PTPRT: variants seen among roughly 807,000 people sequenced by gnomAD.
The protein encoded by PTPRT is receptor-type tyrosine-protein phosphatase T.
Under a neutral mutation model 176.8 loss-of-function variants are expected in PTPRT, and 56 were observed. The observed-to-expected ratio is 0.32, with a 90% CI of 0.26 to 0.40. The LOEUF (loss-of-function observed/expected upper bound fraction) is 0.40, where lower values mean the gene tolerates loss of function less well. PTPRT is among the 10% of genes least tolerant of loss of function. PTPRT has a pLI of 1.00. For missense variants in PTPRT, 1,540 were observed against 1,908.2 expected (o/e 0.81, Z 3.60); for synonymous variants, 783 against 739.0 (o/e 1.06, Z -0.96).
chr20:42,496,809 T>C (rs1158933795), intron 7 of PTPRT, among the ~76,000 whole-genome samples: 3 of 152,140 alleles, frequency 2.0e-5, no homozygotes, highest in Non-Finnish European at 4.4e-5. Flanking sequence ...GATGACATCT[T>C]CAATGGTGTA....
intron 1 of PTPRT, among the ~76,000 whole-genome samples, chr20:43,117,799 T>C (rs2013114094): frequency 6.6e-6 from 1 of 152,104 alleles, no homozygotes; most frequent in African/African-American, 2.4e-5. Context: ...ACACACAACA[T>C]AGATAGGAAG....
At chr20:43,044,707 A>G (rs1986764049) in intron 1 of PTPRT, among the ~76,000 whole-genome samples, 1 of 152,190 alleles carries the variant, frequency 6.6e-6, no homozygotes, top group African/African-American at 2.4e-5. Flanking sequence ...AAATGCACCA[A>G]GGTGTGTAAG....
chr20:42,488,016 G>A (rs182128294), intron 7 of PTPRT, among the ~76,000 whole-genome samples: 2 of 152,200 alleles, frequency 1.3e-5, no homozygotes, highest in Admixed American at 1.3e-4. Flanking sequence ...GTTCTAGCTC[G>A]TTTACCTTTT....
chr20:42,556,685 G>A (rs1418278868), intron 7 of PTPRT, among the ~76,000 whole-genome samples: 1 of 152,162 alleles, frequency 6.6e-6, no homozygotes, highest in Non-Finnish European at 1.5e-5. Flanking sequence ...CAGAACCTGT[G>A]CATGGTATGA....
chr20:43,075,383 G>A (rs761819480), intron 1 of PTPRT, among the ~76,000 whole-genome samples: 20 of 152,244 alleles, frequency 1.3e-4, no homozygotes, highest in Non-Finnish European at 2.5e-4. Flanking sequence ...TCCGCAGAGC[G>A]CTGGAATGAG....
chr20:42,184,018 G>T (rs1990627268), intron 16 of PTPRT, among the ~76,000 whole-genome samples: 1 of 152,160 alleles, frequency 6.6e-6, no homozygotes, highest in African/African-American at 2.4e-5. Flanking sequence ...CATAGGGGTT[G>T]AATATGCAAA....
intron 9 of PTPRT, among the ~76,000 whole-genome samples, chr20:42,409,649 T>C (rs181077703): frequency 6.6e-6 from 1 of 152,226 alleles, no homozygotes; most frequent in African/African-American, 2.4e-5. Flanking sequence ...GTTTCTGATG[T>C]AGTTTTAGAA....
chr20:42,874,301 C>T (rs906197478), intron 2 of PTPRT, among the ~76,000 whole-genome samples: 9 of 152,080 alleles, frequency 5.9e-5, no homozygotes, highest in East Asian at 5.8e-4. Context: ...GAATTTACTC[C>T]GAACAACATG....
At chr20:42,618,388 G>A (rs1202279846) in intron 7 of PTPRT, among the ~76,000 whole-genome samples, 1 of 136,118 alleles carries the variant, frequency 7.3e-6, no homozygotes, top group Non-Finnish European at 1.5e-5. Context: ...GAATAGGTGT[G>A]TTGTGGTGCT....
intron 1 of PTPRT, among the ~76,000 whole-genome samples, chr20:43,139,586 C>T (rs943071674): frequency 6.6e-6 from 1 of 152,182 alleles, no homozygotes; most frequent in Admixed American, 6.5e-5. Flanking sequence ...GCCCGTCCCT[C>T]GACAGCAACA....
In PTPRT at chr20:42,523,556, A is replaced by T. The variant is rs372255576; in HGVS notation, c.1154-50994T>A. On this transcript the variant is annotated intron_variant, in intron 7 of 30. Transcript: ENST00000373187. The stretch of plus-strand genomic sequence containing the variant: ...TTGTTTGTGTGAGGGAATTTGGAAA[A>T]TTTAAAAACTAAGTCACCAGTGTCA... Among the ~76,000 whole-genome samples the T allele has an allele frequency of 2.5e-3, 386 of 152,204 alleles. 4 individuals carry two copies. Among genetic ancestry groups the T allele is most frequent in the African/African-American group, 9.0e-3 (375 of 41,524 alleles).
intron 7 of PTPRT, among the ~76,000 whole-genome samples, chr20:42,482,474 T>C (rs1352671605): frequency 6.6e-6 from 1 of 152,218 alleles, no homozygotes; most frequent in Non-Finnish European, 1.5e-5. Context: ...ATTTGTTTTG[T>C]ATTTTGAGTT....
chr20:42,479,792 G>A (rs537678923), intron 7 of PTPRT, among the ~76,000 whole-genome samples: 1 of 152,318 alleles, frequency 6.6e-6, no homozygotes, highest in South Asian at 2.1e-4. Flanking sequence ...CGACTGGTAA[G>A]TATAACACAA....
chr20:43,049,964 C>G (rs776212671), intron 1 of PTPRT, among the ~76,000 whole-genome samples: 5 of 152,194 alleles, frequency 3.3e-5, no homozygotes, highest in Non-Finnish European at 5.9e-5. Flanking sequence ...GGGGTACTAT[C>G]AACTTTATGT....
At chr20:42,472,622 C>G (rs2071219212) in intron 7 of PTPRT, 60 bp from the exon 8 acceptor site, 1 of 1,540,448 alleles carries the variant, frequency 6.5e-7, no homozygotes. Flanking sequence ...AGCTGGGGTA[C>G]ATGTTCTGCT....
intron 17 of PTPRT, among the ~76,000 whole-genome samples, chr20:42,149,118 C>G (rs1290940974): frequency 6.6e-6 from 1 of 152,200 alleles, no homozygotes; most frequent in Non-Finnish European, 1.5e-5. Context: ...AGGTGTGTCC[C>G]TGCTGATCTC....
At chr20:42,179,398 A>G (rs1431937145) in intron 16 of PTPRT, among the ~76,000 whole-genome samples, 1 of 152,226 alleles carries the variant, frequency 6.6e-6, no homozygotes, top group East Asian at 1.9e-4. Context: ...AATTTTCCTT[A>G]TCACATGAAT....
At chr20:42,616,184 T>C (rs1312652899) in intron 7 of PTPRT, among the ~76,000 whole-genome samples, 1 of 124,498 alleles carries the variant, frequency 8.0e-6, no homozygotes, top group Non-Finnish European at 1.6e-5. Context: ...GCACCATTTA[T>C]TAAATAGGGA....
intron 4 of PTPRT, among the ~76,000 whole-genome samples, chr20:42,772,877 C>A (rs1030488537): frequency 6.6e-6 from 1 of 152,246 alleles, no homozygotes; most frequent in Admixed American, 6.5e-5. Flanking sequence ...AATTTAACTT[C>A]ATGACATTCC....
Sources: allele counts gnomAD v4.1 joint callset (sites outside exome capture counted in the v4.1 genomes callset), GRCh38; gene constraint gnomAD v4.1.1; transcripts MANE v1.5; gene names NCBI Gene and HGNC (gene_info 2026-07-23, HGNC 2026-07-21).